The following LRRIQ1 variants were observed in gnomAD, a reference collection of about 807,000 sequenced individuals.
The protein encoded by LRRIQ1 is leucine-rich repeat- and IQ domain-containing protein 1.
LRRIQ1 carries 210 observed loss-of-function variants against 211.9 expected under a neutral mutation model. The observed-to-expected ratio is 0.99, with a 90% CI of 0.89 to 1.11. The LOEUF (loss-of-function observed/expected upper bound fraction) is 1.11, where lower values mean the gene tolerates loss of function less well. Among genes scored for constraint, LRRIQ1 ranks in the 50% most tolerant of loss-of-function variants. The pLI is 0.00. For missense variants in LRRIQ1, 2,136 were observed against 1,939.5 expected (o/e 1.10, Z -1.90); for synonymous variants, 699 against 650.1 (o/e 1.08, Z -1.14).
At chr12:85,249,676 C>G (rs758728271), downstream of LRRIQ1, among the ~76,000 whole-genome samples, 12 of 151,878 alleles carry the variant, frequency 7.9e-5, no homozygotes, top group Non-Finnish European at 1.5e-4. Flanking sequence ...TGTTGCTACT[C>G]TCCTATATCA....
chr12:85,151,185 A>G (rs1890219343), intron 19 of LRRIQ1, among the ~76,000 whole-genome samples: 2 of 151,538 alleles, frequency 1.3e-5, no homozygotes, highest in African/African-American at 4.8e-5. Flanking sequence ...AAATTTAACA[A>G]TTGATCTGTC....
intron 13 of LRRIQ1, among the ~76,000 whole-genome samples, chr12:85,102,267 A>AATTCC (rs1276753924): frequency 6.6e-6 from 1 of 151,324 alleles, no homozygotes; most frequent in Non-Finnish European, 1.5e-5. Context: ...TTCCCACCCC[A>AATTCC]CTTCCCTTCC....
At chr12:85,206,651 T>TG (rs1340752189) in intron 24 of LRRIQ1, among the ~76,000 whole-genome samples, 1 of 151,860 alleles carries the variant, frequency 6.6e-6, no homozygotes, top group Non-Finnish European at 1.5e-5. Context: ...GGAGAGGGTG[T>TG]GGGTGGACTG....
intron 24 of LRRIQ1, among the ~76,000 whole-genome samples, chr12:85,165,390 G>T (rs1480391111): frequency 6.6e-6 from 1 of 151,578 alleles, no homozygotes; most frequent in Non-Finnish European, 1.5e-5. Flanking sequence ...AGAACATGCG[G>T]TATTTGGTTT....
chr12:85,164,752 G>A (rs1471441328), intron 24 of LRRIQ1, among the ~76,000 whole-genome samples: 3 of 152,142 alleles, frequency 2.0e-5, no homozygotes, highest in Admixed American at 6.5e-5. Context: ...TAGAAAACAA[G>A]TGGCTGAAGG....
intron 19 of LRRIQ1, among the ~76,000 whole-genome samples, chr12:85,138,739 C>T (rs914563829): frequency 5.9e-5 from 9 of 151,338 alleles, no homozygotes; most frequent in African/African-American, 1.5e-4. Flanking sequence ...AATTTAAAAA[C>T]ACTTAAAATC....
At chr12:85,052,565 T>C (rs1439145866) in intron 7 of LRRIQ1, among the ~76,000 whole-genome samples, 1 of 152,070 alleles carries the variant, frequency 6.6e-6, no homozygotes, top group African/African-American at 2.4e-5. Context: ...CTCTTTTTCC[T>C]AAACACAATT....
At chr12:85,096,239 G>T (rs939672222) in intron 11 of LRRIQ1, among the ~76,000 whole-genome samples, 2 of 152,068 alleles carry the variant, frequency 1.3e-5, no homozygotes, top group Non-Finnish European at 1.5e-5. Context: ...TCTAGTTCCA[G>T]TAGGCATGAT....
rs1353599236 is a variant in LRRIQ1 at position 85,056,836 on chromosome 12, T to A, written c.2043T>A (p.His681Gln). Residue 681 changes from histidine (H) to glutamine (Q), a missense_variant, in exon 8 of 27, where the codon CAT becomes CAA. Coordinates refer to ENST00000393217, the MANE Select transcript of LRRIQ1 (RefSeq NM_001079910.2). ...ACCAAGATTATGTGTTAGGTAGACA[T>A]GCTCCTTGTGAGGGCTTGAGTAACT... ...RNDQDYVLGRHAPCEGLSNYN... is the reference protein window; with the variant it reads ...RNDQDYVLGRQAPCEGLSNYN... 2 of 1,613,168 alleles carry A rather than the reference T, an allele frequency of 1.2e-6. No individual in the cohort carries two copies. The highest frequency in any genetic ancestry group is 1.7e-6 in the Non-Finnish European group (2 of 1,179,558).
At chr12:85,128,167 T>TGTTGGCTGCAG in intron 18 of LRRIQ1, 134 bp downstream of exon 18, 1 of 777,204 alleles carries the variant, frequency 1.3e-6, no homozygotes, top group Non-Finnish European at 2.1e-6. Context: ...TCAAGTGACA[T>TGTTGGCTGCAG]GTTGGCTGCA....
At chr12:85,108,637 T>G (rs1367722205) in intron 15 of LRRIQ1, among the ~76,000 whole-genome samples, 1 of 152,160 alleles carries the variant, frequency 6.6e-6, no homozygotes, top group African/African-American at 2.4e-5. Context: ...AATTTTCCAC[T>G]GTGGAATTGG....
chr12:85,257,149 TG>T (rs1287455533), intron 1 of LRRIQ1, among the ~76,000 whole-genome samples: 2 of 2,760 alleles, frequency 7.2e-4, no homozygotes, highest in Non-Finnish European at 1.7e-3. Flanking sequence ...TATATTTATA[TG>T]ATTATATATA....
At chr12:85,204,259 G>T (rs553544963) in intron 24 of LRRIQ1, among the ~76,000 whole-genome samples, 1 of 152,274 alleles carries the variant, frequency 6.6e-6, no homozygotes, top group Non-Finnish European at 1.5e-5. Flanking sequence ...ATTTTGCCTG[G>T]ATGCCCAGGC....
chr12:85,231,169 A>G (rs1010838619), intron 25 of LRRIQ1, among the ~76,000 whole-genome samples: 2 of 152,216 alleles, frequency 1.3e-5, no homozygotes, highest in African/African-American at 2.4e-5. Context: ...TATCATTATT[A>G]CAGTTAAAAC....
intron 15 of LRRIQ1, among the ~76,000 whole-genome samples, chr12:85,113,907 T>TTTTGTGTGTGTG (rs1239287833): frequency 1.4e-5 from 2 of 140,966 alleles, no homozygotes; most frequent in African/African-American, 2.7e-5. Flanking sequence ...CAAATGAGTT[T>TTTTGTGTGTGTG]TGTGTGTGTG....
chr12:85,046,124 A>T lies in LRRIQ1; in HGVS notation c.441A>T (p.Glu147Asp), dbSNP rs747402781. The T allele has an allele frequency of 2.5e-6, 4 of 1,593,692 alleles. No individual in the cohort carries two copies. The highest frequency in any genetic ancestry group is 1.1e-5 in the South Asian group (1 of 89,298). The change falls in exon 5 of 27, where the codon GAA becomes GAT. Residue 147 changes from glutamate to aspartate, a missense_variant. Physicochemically the swap from Glu to Asp is conservative, Grantham distance 45 (BLOSUM62 2). Coordinates refer to ENST00000393217, the MANE Select transcript of LRRIQ1 (RefSeq NM_001079910.2). ...GTCCTCATGACTTGCCTATGGATGA[A>T]CATGTTTTACCAGGTGGACTAAATT... The part of the protein sequence containing the change: ...EPSPHDLPMD[E>D]HVLPDDADIN...
At position 85,232,739 on chromosome 12, in the gene LRRIQ1, G is replaced by A; in HGVS notation, c.4999G>A (p.Gly1667Arg). The A allele has an allele frequency of 6.2e-7, 1 of 1,612,594 alleles. No homozygotes were observed. Among genetic ancestry groups the A allele is most frequent in the Non-Finnish European group, 8.5e-7 (1 of 1,179,124 alleles). ...GTTAGATCCAGATGTACTTAATGGT[G>A]GAAGAGTTCAGCTTGTGGTAAGAAA... ...PELDPDVLNGGRVQLVARLVS... is the reference protein window; with the variant it reads ...PELDPDVLNGRRVQLVARLVS... Residue 1667 changes from glycine to arginine, a missense_variant, in exon 26 of 27, where the codon GGA (glycine) becomes AGA (arginine). Coordinates refer to ENST00000393217, the MANE Select transcript of LRRIQ1 (RefSeq NM_001079910.2).
chr12:85,047,543 T>C, intron 6 of LRRIQ1, 73 bp downstream of exon 6: 1 of 1,271,526 alleles, frequency 7.9e-7, no homozygotes, highest in Non-Finnish European at 1.1e-6. Context: ...ATTTGGATTG[T>C]GTTGCAGATT....
intron 24 of LRRIQ1, among the ~76,000 whole-genome samples, chr12:85,166,747 TAAG>T (rs989321217): frequency 6.6e-6 from 1 of 152,202 alleles, no homozygotes; most frequent in African/African-American, 2.4e-5. Context: ...GGCAGCCCCG[TAAG>T]AAGAGATGCT....
Sources: allele counts gnomAD v4.1 joint callset (sites outside exome capture counted in the v4.1 genomes callset), GRCh38; gene constraint gnomAD v4.1.1; transcripts MANE v1.5; gene names NCBI Gene and HGNC (gene_info 2026-07-23, HGNC 2026-07-21).